The following ATP11C variants were observed in gnomAD, a reference collection of about 807,000 sequenced individuals.
ATP11C encodes the protein ATPase phospholipid transporting 11C (ATP11C blood group).
ATP11C carries 36 observed loss-of-function variants against 97.4 expected under a neutral mutation model. The ratio of observed to expected loss-of-function variants is 0.37; its 90% CI spans 0.28 to 0.49. The LOEUF (loss-of-function observed/expected upper bound fraction) is 0.49. ATP11C is among the 20% of genes least tolerant of loss of function. The pLI is 0.98. For synonymous variants in ATP11C, 275 were observed against 290.9 expected, an observed-to-expected ratio of 0.95 and a Z score of 0.56; for missense variants, 730 against 824.6, an observed-to-expected ratio of 0.89 and a Z score of 1.40.
At chrX:139,887,744 C>T (rs932324394) in intron 1 of ATP11C, among the ~76,000 whole-genome samples, 2 of 110,574 alleles carry the variant, frequency 1.8e-5, no homozygotes, top group African/African-American at 3.3e-5. Context: ...CCAAGGTGGG[C>T]GGATTTGCCT....
chrX:139,830,761 C>T (rs984908866), intron 1 of ATP11C, among the ~76,000 whole-genome samples: 1 of 111,621 alleles, frequency 9.0e-6, no homozygotes, highest in Non-Finnish European at 1.9e-5. Context: ...CTCTCCAGCC[C>T]AAAGCTATTT....
chrX:139,870,916 C>A (rs980920640), intron 1 of ATP11C, among the ~76,000 whole-genome samples: 1 of 108,474 alleles, frequency 9.2e-6, no homozygotes. Context: ...ATTAGCCGGG[C>A]GCGGTGGCGG....
At chrX:139,849,104 G>A (rs922188107) in intron 1 of ATP11C, among the ~76,000 whole-genome samples, 4 of 110,659 alleles carry the variant, frequency 3.6e-5, no homozygotes, top group African/African-American at 1.3e-4. Context: ...AGAAAATCAG[G>A]GTCATCTAGG....
At chrX:139,908,889 T>C (rs1237188385) in intron 1 of ATP11C, among the ~76,000 whole-genome samples, 1 of 112,184 alleles carries the variant, frequency 8.9e-6, no homozygotes, top group Non-Finnish European at 1.9e-5. Context: ...CATGGGGATA[T>C]AATTTAAAAT....
At chrX:139,882,505 C>G (rs2084576249) in intron 1 of ATP11C, among the ~76,000 whole-genome samples, 1 of 111,441 alleles carries the variant, frequency 9.0e-6, no homozygotes. Flanking sequence ...CTGAGTACAG[C>G]AGGGATACCA....
At chrX:139,935,398 T>G (rs965789760), upstream of ATP11C, among the ~76,000 whole-genome samples, 4 of 111,396 alleles carry the variant, frequency 3.6e-5, no homozygotes, top group African/African-American at 1.3e-4. Flanking sequence ...AAACCCTGTA[T>G]CTACTGAAAA....
In ATP11C at chrX:139,862,429, G is replaced by A. The variant is rs972035786; in HGVS notation, c.28-35606C>T. Among the ~76,000 whole-genome samples the A allele has an allele frequency of 6.3e-5, 7 of 111,329 alleles. 1 individual carries two copies. In the South Asian group the frequency reaches 1.5e-3, roughly 25 times the overall value. ...GAGAGGGGGCAATTTTGGGGACTGC[G>A]CCCTCTACCTGTGGGATCTGATGCT... On this transcript the variant is annotated intron_variant, in intron 1 of 29. Coordinates refer to ENST00000682941, the MANE Select transcript of ATP11C (RefSeq NM_001353812.2).
In ATP11C at chrX:139,836,502, G is replaced by T. The variant is rs188372046; in HGVS notation, c.28-9679C>A. Among the ~76,000 whole-genome samples, 380 of 111,447 alleles carry T rather than the reference G, an allele frequency of 3.4e-3. 3 individuals are homozygous for T. Among genetic ancestry groups the T allele is most frequent in the Non-Finnish European group, 3.4e-3 (183 of 53,120 alleles). On this transcript the variant is annotated intron_variant, in intron 1 of 29. Transcript: ENST00000682941. The stretch of plus-strand genomic sequence containing the variant: ...TGCACTCCAGCCTGGGTGACAGAAC[G>T]AGACTCTCTCCAAAACAAAAACAAA...
intron 1 of ATP11C, among the ~76,000 whole-genome samples, chrX:139,919,444 A>AACACACACACAC (rs370999462): frequency 5.5e-4 from 41 of 73,950 alleles, no homozygotes; most frequent in African/African-American, 1.4e-3. Flanking sequence ...CTCAAACTTA[A>AACACACACACAC]ACACACACAC....
chrX:139,862,573 T>TG (rs2084219231), intron 1 of ATP11C, among the ~76,000 whole-genome samples: 1 of 112,089 alleles, frequency 8.9e-6, no homozygotes, highest in African/African-American at 3.2e-5. Flanking sequence ...ATTGTTGTTG[T>TG]GTTGTTGGTG....
At chrX:139,853,117 T>C (rs1255011090) in intron 1 of ATP11C, among the ~76,000 whole-genome samples, 1 of 111,696 alleles carries the variant, frequency 9.0e-6, no homozygotes, top group Non-Finnish European at 1.9e-5. Flanking sequence ...TTGAGACTTC[T>C]GCTAATTTCA....
intron 1 of ATP11C, among the ~76,000 whole-genome samples, chrX:139,913,980 AAAGAGT>A (rs1179623759): frequency 8.9e-6 from 1 of 112,261 alleles, no homozygotes; most frequent in African/African-American, 3.2e-5. Context: ...ATGGAGACCC[AAAGAGT>A]AAAACAGATA....
chrX:139,836,724 A>C lies in ATP11C; in HGVS notation c.28-9901T>G, dbSNP rs775765467. Reference sequence around the variant, plus strand: ...GGTACATTGGTTCTTTCAGGCTTTTAAGATGCCCACTTAAAGCACCACAGT... The same window carrying C: ...GGTACATTGGTTCTTTCAGGCTTTTCAGATGCCCACTTAAAGCACCACAGT... On this transcript the variant is annotated intron_variant, in intron 1 of 29. Coordinates refer to ENST00000682941, the MANE Select transcript of ATP11C (RefSeq NM_001353812.2). 2.0e-3 allele frequency among the ~76,000 whole-genome samples: 222 copies of C among 111,568 alleles called. 1 individual carries two copies. Among genetic ancestry groups the C allele is most frequent in the African/African-American group, 7.0e-3 (215 of 30,657 alleles).
chrX:139,861,767 TATAC>T (rs2084200805), intron 1 of ATP11C, among the ~76,000 whole-genome samples: 2 of 85,418 alleles, frequency 2.3e-5, no homozygotes, highest in South Asian at 9.4e-4. Flanking sequence ...ATAATCCTGT[TATAC>T]ACACACACAC....
intron 5 of ATP11C, among the ~76,000 whole-genome samples, chrX:139,812,105 G>A (rs984532923): frequency 3.6e-5 from 4 of 110,868 alleles, no homozygotes; most frequent in Admixed American, 9.7e-5. Flanking sequence ...ACCACACTAA[G>A]GATGCAGACC....
chrX:139,904,676 G>T (rs1054757388), intron 1 of ATP11C, among the ~76,000 whole-genome samples: 1 of 111,726 alleles, frequency 9.0e-6, no homozygotes, highest in African/African-American at 3.3e-5. Flanking sequence ...AAGATTGGGT[G>T]GTCTGACATT....
At chrX:139,931,636 A>G (rs756888440) in intron 1 of ATP11C, among the ~76,000 whole-genome samples, 1 of 111,832 alleles carries the variant, frequency 8.9e-6, no homozygotes, top group South Asian at 3.8e-4. Flanking sequence ...TGGCAGAGGA[A>G]ACAAAAGAAA....
In ATP11C at chrX:139,790,602, T is replaced by C. The variant is rs1406121720; in HGVS notation, c.1207-1114A>G. ...AAACAGAAACTGATGAAGGTTTTTT[T>C]CCCCTTTTAAAAGTAAAATTTTCTA... On this transcript the variant is annotated intron_variant, in intron 12 of 29. Coordinates refer to ENST00000682941, the MANE Select transcript of ATP11C (RefSeq NM_001353812.2). Among the ~76,000 whole-genome samples, 4 of 110,944 alleles carry C rather than the reference T, an allele frequency of 3.6e-5. No individual in the cohort carries two copies. The East Asian group carries it at 8.5e-4, about 24-fold the overall frequency.
intron 21 of ATP11C, 116 bp downstream of exon 21, chrX:139,763,200 C>G (rs1455768957): frequency 1.9e-6 from 1 of 525,663 alleles, no homozygotes; most frequent in Non-Finnish European, 3.1e-6. Flanking sequence ...AATTATCATT[C>G]CAAAATTCAA....
Sources: gnomAD v4.1 joint callset for allele counts (sites outside exome capture counted in the v4.1 genomes callset) on GRCh38, gnomAD v4.1.1 for gene constraint, MANE v1.5 for transcripts, NCBI Gene and HGNC (gene_info 2026-07-23, HGNC 2026-07-21) for gene names.